The following SH3D21 variants were observed in gnomAD, a reference collection of about 807,000 sequenced individuals.
The protein encoded by SH3D21 is SH3 domain-containing protein 21.
A neutral mutation model predicts 82.1 loss-of-function variants in SH3D21; 83 were observed. That is an observed-to-expected ratio of 1.01 (90% CI 0.85 to 1.21). The LOEUF (loss-of-function observed/expected upper bound fraction) is 1.21. Among genes scored for constraint, SH3D21 ranks in the 50% most tolerant of loss-of-function variants. The pLI is 0.00. For synonymous variants in SH3D21, 383 were observed against 387.8 expected (o/e 0.99, Z 0.15); for missense variants, 980 against 962.1 (o/e 1.02, Z -0.25).
At position 36,306,621 on chromosome 1, in the gene SH3D21, C is replaced by T. The variant is rs753152363; in HGVS notation, c.28C>T (p.Arg10Cys). MEVLVLAGY[R>C]AQKEDELSLA... ...AGAAGTCCTCGTCCTGGCCGGATACCGCGCGCAGAAGGAGGACGAGCTGAG... is the reference window on the plus strand; with the variant it reads ...AGAAGTCCTCGTCCTGGCCGGATACTGCGCGCAGAAGGAGGACGAGCTGAG... Residue 10 changes from arginine (R) to cysteine (C), a missense_variant, in exon 2 of 16, where the codon CGC (arginine) becomes TGC (cysteine). Coordinates refer to ENST00000453908, the MANE Select transcript of SH3D21 (RefSeq NM_001162530.2). This position sits in a 1 kb window ranked among gnomAD's most constrained non-coding sequence, Gnocchi z 4.5. 49 of 1,302,548 alleles carry T rather than the reference C, an allele frequency of 3.8e-5. No homozygotes were observed. Among genetic ancestry groups the T allele is most frequent in the South Asian group, 8.6e-5 (7 of 80,936 alleles). 80.7% of individuals were successfully genotyped at this position (1,302,548 alleles called of 1,614,324 possible).
chr1:36,322,322 G>T, downstream of SH3D21: 1 of 1,559,550 alleles, frequency 6.4e-7, no homozygotes, highest in Non-Finnish European at 8.6e-7. Flanking sequence ...GGCCCAGGGT[G>T]CCCGTGGCCG....
chr1:36,316,198 A>C (rs1027406500), intron 10 of SH3D21, among the ~76,000 whole-genome samples: 1 of 151,036 alleles, frequency 6.6e-6, no homozygotes, highest in African/African-American at 2.4e-5. Flanking sequence ...TAGTAGAAGA[A>C]GACTTCTTCC....
At position 36,307,627 on chromosome 1, in the gene SH3D21, A is replaced by G. The variant is rs1365210465; in HGVS notation, c.436+20A>G. On this transcript the variant is annotated intron_variant, in intron 5 of 15. Transcript: ENST00000453908. This position sits in a 1 kb window ranked among gnomAD's most constrained non-coding sequence, Gnocchi z 5.4. ...CCCCAAGTGAGACCTCGACTCTGTG[A>G]CCCTGTGACTCGCAATCTCCAATGA... 1.3e-6 allele frequency: 2 copies of G among 1,550,652 alleles called. No homozygotes were observed. Among genetic ancestry groups the G allele is most frequent in the East Asian group, 4.9e-5 (2 of 40,908 alleles).
intron 10 of SH3D21, among the ~76,000 whole-genome samples, chr1:36,313,290 C>T (rs1170693480): frequency 6.6e-6 from 1 of 150,806 alleles, no homozygotes; most frequent in Non-Finnish European, 1.5e-5. Flanking sequence ...CGCGTCACTG[C>T]ACTCCAGCCT....
downstream of SH3D21, among the ~76,000 whole-genome samples, chr1:36,329,686 G>A (rs188667129): frequency 1.6e-4 from 24 of 152,196 alleles, no homozygotes; most frequent in East Asian, 4.2e-3. Context: ...ATATATGTCA[G>A]GTTGTGATGA....
In SH3D21 at chr1:36,306,501, C is replaced by T; in HGVS notation, c.4+77C>T. 1.1e-5 allele frequency: 15 copies of T among 1,304,732 alleles called. No homozygotes were observed. The highest frequency in any genetic ancestry group is 1.5e-5 in the Non-Finnish European group (15 of 988,764). 80.8% of individuals were successfully genotyped at this position (1,304,732 alleles called of 1,614,324 possible). A position where few individuals can be genotyped will look rare whatever the true frequency, so the allele number is the denominator to read the frequency against. ...AGAGCCCACACCACCCCCCGACCCC[C>T]GCTGCCCTCTACGGTGCTTGGGGAC... On this transcript the variant is annotated intron_variant, in intron 1 of 15. Coordinates refer to ENST00000453908, the MANE Select transcript of SH3D21 (RefSeq NM_001162530.2). This position sits in a 1 kb window ranked among gnomAD's most constrained non-coding sequence, Gnocchi z 4.5.
intron 10 of SH3D21, among the ~76,000 whole-genome samples, chr1:36,315,011 C>T (rs1396363193): frequency 1.3e-5 from 2 of 152,086 alleles, no homozygotes; most frequent in Admixed American, 6.6e-5. Context: ...ACAAAATGCT[C>T]TGCAAATTAT....
At position 36,320,925 on chromosome 1, in the gene SH3D21, A is replaced by C. The variant is rs1450367180; in HGVS notation, c.2146A>C (p.Thr716Pro). 1 of 1,564,906 alleles carries C rather than the reference A, an allele frequency of 6.4e-7. No individual in the cohort carries two copies. Among genetic ancestry groups the C allele is most frequent in the Non-Finnish European group, 8.7e-7 (1 of 1,154,856 alleles). Residue 716 changes from threonine (T) to proline (P), a missense_variant, in exon 15 of 16, where the codon ACC (threonine) becomes CCC (proline). Coordinates refer to ENST00000453908, the MANE Select transcript of SH3D21 (RefSeq NM_001162530.2). ...LMEVQLERKL[T>P]DIWEELKSEK... The stretch of plus-strand genomic sequence containing the variant: ...CGCCTCGGCCCGCAGGAGGAAGCTG[A>C]CCGACATCTGGGAGGAGCTGAAGAG...
At chr1:36,309,707 C>A in intron 10 of SH3D21, 117 bp downstream of exon 10, 1 of 1,124,046 alleles carries the variant, frequency 8.9e-7, no homozygotes, top group South Asian at 1.5e-5. Flanking sequence ...GGAGCCCCCT[C>A]ACCTGTGGGT....
At chr1:36,327,398 G>A (rs981381665), downstream of SH3D21, among the ~76,000 whole-genome samples, 5 of 152,178 alleles carry the variant, frequency 3.3e-5, no homozygotes, top group South Asian at 4.1e-4. Flanking sequence ...GTATGACTAC[G>A]TGTGTTGTGT....
Position 36,308,438 on chromosome 1 carries a change from G to A in SH3D21, c.689G>A (p.Gly230Glu). Reference sequence around the variant, plus strand: ...GAAGGAGAGTGTCAAGGACGAAGAGGAGTTTTTCCAGACAACTTTGTACTC... The same window carrying A: ...GAAGGAGAGTGTCAAGGACGAAGAGAAGTTTTTCCAGACAACTTTGTACTC... ...WWEGECQGRR[G>E]VFPDNFVLPP... Residue 230 changes from glycine to glutamate, a missense_variant, in exon 9 of 16, where the codon GGA becomes GAA. Gly to Glu is a moderately conservative substitution (Grantham distance 98). Coordinates refer to ENST00000453908, the MANE Select transcript of SH3D21 (RefSeq NM_001162530.2). 1 of 1,551,868 alleles carries A rather than the reference G, an allele frequency of 6.4e-7. No homozygotes were observed. Among genetic ancestry groups the A allele is most frequent in the Non-Finnish European group, 8.7e-7 (1 of 1,147,034 alleles).
At position 36,319,284 on chromosome 1, in the gene SH3D21, C is replaced by T. The variant is rs924743833; in HGVS notation, c.888C>T (p.Asp296=). ...KAKTSRTPSR[D]SQKLTSRDSG... ...GGACATCTCGGACACCCAGCAGGGACAGTCAGAAGCTCACCTCCCGAGACT... is the reference window on the plus strand; with the variant it reads ...GGACATCTCGGACACCCAGCAGGGATAGTCAGAAGCTCACCTCCCGAGACT... Residue 296 remains aspartate (D), a synonymous_variant, in exon 12 of 16, where the codon GAC becomes GAT. Transcript: ENST00000453908. 33 of 1,551,504 alleles carry T rather than the reference C, an allele frequency of 2.1e-5. No individual in the cohort carries two copies. In the African/African-American group the frequency reaches 3.6e-4, roughly 17 times the overall value.
chr1:36,322,155 G>A (rs1018753462), downstream of SH3D21: 39 of 1,353,240 alleles, frequency 2.9e-5, no homozygotes, highest in East Asian at 1.1e-3. Context: ...CTGGGGAAGG[G>A]AGCCTCTCAG....
At position 36,321,086 on chromosome 1, in the gene SH3D21, C is replaced by T; in HGVS notation, c.2230C>T (p.Gln744Ter). Residue 744 changes from glutamine (Q) to a stop codon, truncating the protein, a stop_gained, in exon 16 of 16, where the codon CAG becomes TAG. Coordinates refer to ENST00000453908, the MANE Select transcript of SH3D21 (RefSeq NM_001162530.2). LOFTEE classifies it low-confidence loss of function (END_TRUNC). This position sits in a 1 kb window ranked among gnomAD's most constrained non-coding sequence, Gnocchi z 6.1. The part of the protein sequence containing the change: ...VQVMQGTQKS[Q>*]TPRVIHTQTQ... ...GGTGATGCAGGGGACCCAGAAGTCCCAGACCCCGCGCGTCATCCACACGCA... is the reference window on the plus strand; with the variant it reads ...GGTGATGCAGGGGACCCAGAAGTCCTAGACCCCGCGCGTCATCCACACGCA... 1 of 1,612,366 alleles carries T rather than the reference C, an allele frequency of 6.2e-7. No individual in the cohort carries two copies. Among genetic ancestry groups the T allele is most frequent in the Non-Finnish European group, 8.5e-7 (1 of 1,179,514 alleles).
At chr1:36,309,150 GT>G (rs1557473068) in intron 9 of SH3D21, among the ~76,000 whole-genome samples, 2 of 151,792 alleles carry the variant, frequency 1.3e-5, no homozygotes, top group African/African-American at 4.8e-5. Flanking sequence ...CACTTAAGGC[GT>G]TATGTTGGTA....
At position 36,319,301 on chromosome 1, in the gene SH3D21, C is replaced by G. The variant is rs1212396442; in HGVS notation, c.905C>G (p.Ser302Cys). ...AGCAGGGACAGTCAGAAGCTCACCTCCCGAGACTCAGGCAAGGGCTGCCTT... is the reference window on the plus strand; with the variant it reads ...AGCAGGGACAGTCAGAAGCTCACCTGCCGAGACTCAGGCAAGGGCTGCCTT... ...TPSRDSQKLT[S>C]RDSGPNGGFQ... is the part of the protein sequence containing the mutation. Residue 302 changes from serine to cysteine, a missense_variant, in exon 12 of 16, where the codon TCC (serine) becomes TGC (cysteine). Transcript: ENST00000453908. 3.2e-6 allele frequency: 5 copies of G among 1,551,558 alleles called. No individual in the cohort carries two copies. The highest frequency in any genetic ancestry group is 4.4e-6 in the Non-Finnish European group (5 of 1,146,998).
At chr1:36,319,220 C>T (rs1422577522) in intron 11 of SH3D21, 40 bp from the exon 12 acceptor site, 7 of 1,551,204 alleles carry the variant, frequency 4.5e-6, no homozygotes, top group Non-Finnish European at 6.1e-6. Context: ...ACGCCCCTCC[C>T]TGTGCCCCAC....
chr1:36,307,900 T>C lies in SH3D21; in HGVS notation c.493-18T>C. 2 of 1,551,692 alleles carry C rather than the reference T, an allele frequency of 1.3e-6. No homozygotes were observed. The highest frequency in any genetic ancestry group is 1.7e-6 in the Non-Finnish European group (2 of 1,146,978). On this transcript the variant is annotated intron_variant, in intron 6 of 15. Coordinates refer to ENST00000453908, the MANE Select transcript of SH3D21 (RefSeq NM_001162530.2). This position sits in a 1 kb window ranked among gnomAD's most constrained non-coding sequence, Gnocchi z 5.4. ...GTTGGAGGCTCATCTAGTTCCTCCC[T>C]GCCCCTTCCCCCACTAGCTGAGCAG...
At chr1:36,308,045 G>A in intron 7 of SH3D21, 64 bp from the exon 8 acceptor site, 6 of 1,548,998 alleles carry the variant, frequency 3.9e-6, no homozygotes, top group Non-Finnish European at 5.2e-6. Flanking sequence ...GCTGATGGAG[G>A]TGGGGGCTGC....
Sources: allele counts gnomAD v4.1 joint callset (sites outside exome capture counted in the v4.1 genomes callset), GRCh38; gene constraint gnomAD v4.1.1; non-coding constraint Gnocchi (gnomAD v3.1); transcripts MANE v1.5; gene names NCBI Gene and HGNC (gene_info 2026-07-23, HGNC 2026-07-21).